Variants in TENT4B observed in about 807,000 individuals in gnomAD.
TENT4B encodes the protein terminal nucleotidyltransferase 4B, also known as PAP associated domain containing 5.
In TENT4B, 10 loss-of-function variants were observed where a neutral mutation model predicts 75.0. The observed-to-expected ratio is 0.13, with a 90% CI of 0.08 to 0.23. TENT4B has a LOEUF of 0.23. Among genes scored for constraint, TENT4B ranks in the 10% least tolerant of loss-of-function variants. The pLI, the probability that TENT4B is intolerant of heterozygous loss-of-function variation, is 1.00. For synonymous variants in TENT4B, 350 were observed against 357.7 expected (o/e 0.98, Z 0.24); for missense variants, 579 against 893.8 (o/e 0.65, Z 4.49).
At chr16:50,213,884 A>G (rs1203585193) in intron 2 of TENT4B, among the ~76,000 whole-genome samples, 1 of 152,220 alleles carries the variant, frequency 6.6e-6, no homozygotes, top group Non-Finnish European at 1.5e-5. Flanking sequence ...CATAGGTTGC[A>G]TGCAAATACT....
chr16:50,190,078 AAAAAAAAAAAAAAAAC>A (rs2038610335), intron 1 of TENT4B, among the ~76,000 whole-genome samples: 1 of 60,894 alleles, frequency 1.6e-5, no homozygotes, highest in South Asian at 6.6e-4. Flanking sequence ...TCTGTTTCAA[AAAAAAAAAAAAAAAAC>A]AAAGAAAAGA....
Position 50,232,426 on chromosome 16 carries a change from T to C in TENT4B, c.*3098T>C, listed in dbSNP as rs2032325307. The stretch of plus-strand genomic sequence containing the variant: ...AGGTTATTTGATTTGGCTCCAGATA[T>C]TCCTAGATCTGCACAGGGCAAAACA... On this transcript the variant is annotated 3_prime_UTR_variant, in exon 12 of 12. Coordinates refer to ENST00000561678, the MANE Select transcript of TENT4B (RefSeq NM_001365324.3). 1.0e-6 allele frequency: 1 copy of C among 985,396 alleles called. No homozygotes were observed. 61.0% of individuals were successfully genotyped at this position (985,396 alleles called of 1,614,324 possible).
Position 50,166,779 on chromosome 16 carries a change from AAT to A in TENT4B, c.638+12521_638+12522del, listed in dbSNP as rs1491437255. ...CAGGCGCATGCCACCATGCCTGGCT[AAT>A]TTTTTTTTTTTTTTTTTTTTTGTAT... On this transcript the variant is annotated intron_variant, in intron 1 of 11. Transcript: ENST00000561678. Among the ~76,000 whole-genome samples, 18 of 68,968 alleles carry A rather than the reference AAT, an allele frequency of 2.6e-4. No individual in the cohort carries two copies. The South Asian group carries it at 6.6e-3, about 25-fold the overall frequency. The allele number at this position is 68,968 out of a possible 152,430, so 45.2% of individuals were successfully genotyped here. A position where few individuals can be genotyped will look rare whatever the true frequency, so the allele number is the denominator to read the frequency against.
In TENT4B at chr16:50,229,778, CAT is replaced by C. The variant is rs1339453221; in HGVS notation, c.*451_*452del. 3 of 976,638 alleles carry C rather than the reference CAT, an allele frequency of 3.1e-6. No individual in the cohort carries two copies. The highest frequency in any genetic ancestry group is 1.8e-5 in the African/African-American group (1 of 56,804). The allele number at this position is 976,638 out of a possible 1,614,324, so 60.5% of individuals were successfully genotyped here. On this transcript the variant is annotated 3_prime_UTR_variant, in exon 12 of 12. Coordinates refer to ENST00000561678, the MANE Select transcript of TENT4B (RefSeq NM_001365324.3). Reference sequence around the variant, plus strand: ...ATTCCAAAGGGGAAAGTGATCTGTGCATGTTTTTTTTTTAAATATTTTTGCAT... The same window carrying C: ...ATTCCAAAGGGGAAAGTGATCTGTGCGTTTTTTTTTTAAATATTTTTGCAT...
chr16:50,212,476 T>G (rs868054485), intron 2 of TENT4B, among the ~76,000 whole-genome samples: 2 of 152,218 alleles, frequency 1.3e-5, no homozygotes, highest in Non-Finnish European at 2.9e-5. Context: ...ACTTTGTGTT[T>G]GTAGCTTTTC....
At chr16:50,193,291 G>A (rs1019533542) in intron 1 of TENT4B, among the ~76,000 whole-genome samples, 8 of 151,546 alleles carry the variant, frequency 5.3e-5, no homozygotes, top group African/African-American at 1.7e-4. Context: ...GAGTCAGGCC[G>A]GTAAAGAGGA....
At position 50,234,504 on chromosome 16, in the gene TENT4B, C is replaced by G. The variant is rs2032389155; in HGVS notation, c.*5176C>G. 1 of 984,284 alleles carries G rather than the reference C, an allele frequency of 1.0e-6. No homozygotes were observed. The highest frequency in any genetic ancestry group is 1.1e-4 in the East Asian group (1 of 8,808). 61.0% of individuals were successfully genotyped at this position (984,284 alleles called of 1,614,324 possible). A position where few individuals can be genotyped will look rare whatever the true frequency, so the allele number is the denominator to read the frequency against. ...GGTTCTGTGCTATTCATAGTTCTTC[C>G]CTAAGACCATTTCATTATTACCTTT... is the stretch of plus-strand genomic sequence containing the variant. On this transcript the variant is annotated 3_prime_UTR_variant, in exon 12 of 12. Coordinates refer to ENST00000561678, the MANE Select transcript of TENT4B (RefSeq NM_001365324.3).
chr16:50,186,537 C>A (rs538923124), intron 1 of TENT4B, among the ~76,000 whole-genome samples: 9 of 152,238 alleles, frequency 5.9e-5, no homozygotes, highest in African/African-American at 2.2e-4. Flanking sequence ...ATAATGCTGC[C>A]GTGAACATTG....
chr16:50,189,104 T>C (rs1453824941), intron 1 of TENT4B, among the ~76,000 whole-genome samples: 1 of 152,188 alleles, frequency 6.6e-6, no homozygotes, highest in East Asian at 1.9e-4. Context: ...GCTTTTCTTA[T>C]TGCTTGTAGG....
At chr16:50,203,333 A>C (rs1048895093) in intron 1 of TENT4B, among the ~76,000 whole-genome samples, 2 of 152,128 alleles carry the variant, frequency 1.3e-5, no homozygotes, top group African/African-American at 4.8e-5. Context: ...GAGGAGAGAG[A>C]GGGCTTTTTG....
At chr16:50,182,383 G>T (rs1018713244) in intron 1 of TENT4B, among the ~76,000 whole-genome samples, 4 of 152,132 alleles carry the variant, frequency 2.6e-5, no homozygotes. Flanking sequence ...TCCTACATTT[G>T]TTCAACTTGA....
chr16:50,229,325 A>G lies in TENT4B; in HGVS notation c.2139A>G (p.Arg713=). 1 of 1,611,674 alleles carries G rather than the reference A, an allele frequency of 6.2e-7. No individual in the cohort carries two copies. Among genetic ancestry groups the G allele is most frequent in the Non-Finnish European group, 8.5e-7 (1 of 1,178,832 alleles). ...ACGCGCCCCTCTCAGACCTCTGTAG[A>G]TAGTCAGCGCTGCGCGGTGGACTGT... ...KRDAPLSDLC[R] The change falls in exon 12 of 12, where the codon AGA becomes AGG. Residue 713 remains arginine (R), a synonymous_variant. Coordinates refer to ENST00000561678, the MANE Select transcript of TENT4B (RefSeq NM_001365324.3).
intron 2 of TENT4B, among the ~76,000 whole-genome samples, chr16:50,213,247 T>G (rs374881385): frequency 3.3e-5 from 5 of 152,242 alleles, no homozygotes; most frequent in African/African-American, 9.6e-5. Flanking sequence ...TTAGTAGAGG[T>G]GGGATTTCAT....
chr16:50,156,649 A>G (rs904759302), intron 1 of TENT4B, among the ~76,000 whole-genome samples: 1 of 149,336 alleles, frequency 6.7e-6, no homozygotes, highest in Non-Finnish European at 1.5e-5. Context: ...CGGCCTCATT[A>G]TCCTGATTTC....
chr16:50,234,792 T>C lies in TENT4B; in HGVS notation c.*5464T>C, dbSNP rs556220073. The C allele has an allele frequency of 5.1e-6, 5 of 985,524 alleles. No homozygotes were observed. In the African/African-American group the frequency reaches 7.0e-5, roughly 14 times the overall value. The allele number at this position is 985,524 out of a possible 1,614,324, so 61.0% of individuals were successfully genotyped here. On this transcript the variant is annotated 3_prime_UTR_variant, in exon 12 of 12. Coordinates refer to ENST00000561678, the MANE Select transcript of TENT4B (RefSeq NM_001365324.3). ...AGTGAGGGACGACCAGTGTAGTTTCTGGATATAAAGTGTGAAGGACTGTTG... is the reference window on the plus strand; with the variant it reads ...AGTGAGGGACGACCAGTGTAGTTTCCGGATATAAAGTGTGAAGGACTGTTG...
intron 1 of TENT4B, among the ~76,000 whole-genome samples, chr16:50,205,404 G>A (rs890480237): frequency 1.3e-5 from 2 of 151,908 alleles, no homozygotes; most frequent in Admixed American, 1.3e-4. Context: ...ACAAAAATAA[G>A]TTAAAGTCTT....
At chr16:50,160,654 TG>T (rs2037987358) in intron 1 of TENT4B, among the ~76,000 whole-genome samples, 1 of 152,224 alleles carries the variant, frequency 6.6e-6, no homozygotes, top group African/African-American at 2.4e-5. Context: ...GGTTCTCACT[TG>T]TTCTCAGATA....
chr16:50,220,052 G>A (rs910810009), intron 5 of TENT4B, among the ~76,000 whole-genome samples: 11 of 150,894 alleles, frequency 7.3e-5, no homozygotes, highest in Admixed American at 4.0e-4. Flanking sequence ...GCAGTGGCGC[G>A]ATCTTGGCTC....
At chr16:50,153,102 G>T (rs989539647), upstream of TENT4B, 14 of 1,292,906 alleles carry the variant, frequency 1.1e-5, no homozygotes, top group African/African-American at 1.6e-4. Context: ...GTCGCGCCGC[G>T]GCCTCTGTGA....
Sources: gnomAD v4.1 joint callset for allele counts (sites outside exome capture counted in the v4.1 genomes callset) on GRCh38, gnomAD v4.1.1 for gene constraint, MANE v1.5 for transcripts, NCBI Gene and HGNC (gene_info 2026-07-23, HGNC 2026-07-21) for gene names.